The following INO80 variants were observed in gnomAD, a reference collection of about 807,000 sequenced individuals.
INO80 encodes the protein INO80 complex ATPase subunit.
In INO80, 20 loss-of-function variants were observed where a neutral mutation model predicts 203.4. The observed-to-expected ratio is 0.10, with a 90% CI of 0.07 to 0.14. The LOEUF (loss-of-function observed/expected upper bound fraction) is 0.14, where lower values mean the gene tolerates loss of function less well. INO80 is among the 10% of genes least tolerant of loss of function. The probability of loss-of-function intolerance (pLI) is 1.00; values close to 1 mark genes in which losing one functional copy is unlikely to be tolerated. For synonymous variants in INO80, 726 were observed against 685.2 expected (o/e 1.06, Z -0.93); for missense variants, 1,419 against 1,914.4 (o/e 0.74, Z 4.83).
In INO80 at chr15:41,087,544, G is replaced by A. The variant is rs187555859; in HGVS notation, c.658+18C>T. 7.4e-6 allele frequency: 12 copies of A among 1,612,720 alleles called. No homozygotes were observed. The highest frequency in any genetic ancestry group is 1.0e-5 in the Non-Finnish European group (12 of 1,179,500). ...AACTAAGAATGAATATACGTGGAAGGCAGTTCAACATGCTCACCTTTAAGT... is the reference window on the plus strand; with the variant it reads ...AACTAAGAATGAATATACGTGGAAGACAGTTCAACATGCTCACCTTTAAGT... On this transcript the variant is annotated intron_variant, in intron 6 of 35. Coordinates refer to ENST00000648947, the MANE Select transcript of INO80 (RefSeq NM_017553.3).
Position 41,037,054 on chromosome 15 carries a change from G to T in INO80, c.2907+7850C>A, listed in dbSNP as rs142115094. On this transcript the variant is annotated intron_variant, in intron 24 of 35. Transcript: ENST00000648947. The stretch of plus-strand genomic sequence containing the variant: ...GGAGGTGGAGGTTACAGTGAGCCAA[G>T]GTCACTCCACTGCACTCCAGCCTGG... Among the ~76,000 whole-genome samples the T allele has an allele frequency of 3.2e-4, 49 of 151,974 alleles. 1 individual carries two copies. The East Asian group carries it at 8.7e-3, about 27-fold the overall frequency.
intron 24 of INO80, among the ~76,000 whole-genome samples, chr15:41,029,937 T>C (rs2044434393): frequency 6.6e-6 from 1 of 152,198 alleles, no homozygotes; most frequent in African/African-American, 2.4e-5. Flanking sequence ...AGCTAAGTAG[T>C]AGTTCAGGGC....
Position 41,092,315 on chromosome 15 carries a change from T to C in INO80, c.382-133A>G, listed in dbSNP as rs116171693. The C allele has an allele frequency of 5.6e-3, 3,167 of 569,348 alleles. 86 individuals are homozygous for C. The highest frequency in any genetic ancestry group is 0.052 in the African/African-American group (2,851 of 54,452). The allele number at this position is 569,348 out of a possible 1,614,324, so 35.3% of individuals were successfully genotyped here. ...AGTCACTCCAGTTCCCCTTATGACA[T>C]GCTTTATAAATTCAACTGAAAAACA... On this transcript the variant is annotated intron_variant, in intron 4 of 35. Transcript: ENST00000648947.
intron 24 of INO80, among the ~76,000 whole-genome samples, chr15:41,036,173 A>C (rs2044571746): frequency 1.3e-5 from 2 of 149,574 alleles, no homozygotes; most frequent in South Asian, 4.2e-4. Context: ...AAAAAAAAAA[A>C]AAAAAAAAAA....
intron 32 of INO80, among the ~76,000 whole-genome samples, chr15:40,985,037 T>TATAAG (rs1893968514): frequency 1.3e-5 from 2 of 152,162 alleles, no homozygotes; most frequent in African/African-American, 4.8e-5. Context: ...TATGGAGCCT[T>TATAAG]ATAAGTAATG....
At chr15:41,080,870 A>G in intron 8 of INO80, 150 bp downstream of exon 8, 1 of 613,066 alleles carries the variant, frequency 1.6e-6, no homozygotes, top group Admixed American at 2.9e-5. Flanking sequence ...ATAAAAAATA[A>G]ACAGCTTGAG....
intron 14 of INO80, among the ~76,000 whole-genome samples, chr15:41,063,513 C>T (rs796868909): frequency 9.9e-5 from 15 of 152,176 alleles, no homozygotes; most frequent in African/African-American, 3.6e-4. Flanking sequence ...GTGGCTCACA[C>T]CTATAATCCC....
intron 29 of INO80, among the ~76,000 whole-genome samples, chr15:40,996,748 G>A: frequency 6.6e-6 from 1 of 152,226 alleles, no homozygotes; most frequent in South Asian, 2.1e-4. Flanking sequence ...CCTTTTCATT[G>A]CTCTCCAACC....
chr15:41,115,835 C>T (rs1306473820), intron 1 of INO80, 138 bp downstream of exon 1: 2 of 370,400 alleles, frequency 5.4e-6, no homozygotes, highest in African/African-American at 2.1e-5. Flanking sequence ...ACCCATCCTC[C>T]ATACTAACCC....
chr15:41,077,258 A>G (rs1277322075), intron 9 of INO80, among the ~76,000 whole-genome samples: 1 of 150,254 alleles, frequency 6.7e-6, no homozygotes, highest in African/African-American at 2.4e-5. Flanking sequence ...TTGGTCCAAG[A>G]GTCATTATTT....
At chr15:41,106,164 A>T (rs1178076728) in intron 1 of INO80, among the ~76,000 whole-genome samples, 2 of 152,150 alleles carry the variant, frequency 1.3e-5, no homozygotes, top group East Asian at 3.9e-4. Context: ...GAAGCTAATC[A>T]CTTGAGCTCT....
chr15:40,983,218 TTAA>T (rs1893903023), intron 34 of INO80, 141 bp from the exon 35 acceptor site: 1 of 624,818 alleles, frequency 1.6e-6, no homozygotes, highest in Admixed American at 2.8e-5. Context: ...ATGTCTCCAC[TTAA>T]TGATGGCTAG....
At chr15:41,045,381 G>A (rs1349886726) in intron 23 of INO80, among the ~76,000 whole-genome samples, 1 of 152,060 alleles carries the variant, frequency 6.6e-6, no homozygotes, top group African/African-American at 2.4e-5. Flanking sequence ...CTGAGGTCAG[G>A]AGTTTGAGAC....
At chr15:41,115,228 C>T (rs2046013310) in intron 1 of INO80, among the ~76,000 whole-genome samples, 1 of 152,178 alleles carries the variant, frequency 6.6e-6, no homozygotes, top group African/African-American at 2.4e-5. Flanking sequence ...ATTCCAGGCA[C>T]AGTTGGCTGT....
At chr15:41,031,620 G>T in intron 24 of INO80, among the ~76,000 whole-genome samples, 1 of 57,810 alleles carries the variant, frequency 1.7e-5, no homozygotes, top group African/African-American at 7.8e-5. Context: ...GGAGGAGGGA[G>T]GAAGGGAGGA....
chr15:41,020,934 T>C lies in INO80; in HGVS notation c.3240A>G (p.Arg1080=), dbSNP rs1350091834. The change falls in exon 26 of 36, where the codon AGA becomes AGG. Residue 1080 remains arginine, a synonymous_variant. Coordinates refer to ENST00000648947, the MANE Select transcript of INO80 (RefSeq NM_017553.3). ...TGATGAAAGACCAGCCATTCTGAGGTCTGATGCTCCACAGACCTCCAGCTG... is the reference window on the plus strand; with the variant it reads ...TGATGAAAGACCAGCCATTCTGAGGCCTGATGCTCCACAGACCTCCAGCTG... ...PEPAGGLWSI[R]PQNGWSFIRI... The C allele has an allele frequency of 2.5e-6, 4 of 1,613,670 alleles. No homozygotes were observed. Among genetic ancestry groups the C allele is most frequent in the African/African-American group, 2.7e-5 (2 of 74,896 alleles).
At chr15:41,060,602 G>A (rs1249160477) in intron 14 of INO80, among the ~76,000 whole-genome samples, 2 of 151,796 alleles carry the variant, frequency 1.3e-5, no homozygotes, top group African/African-American at 4.8e-5. Flanking sequence ...AACAAAAATT[G>A]TAGTTCAAGG....
Position 41,021,036 on chromosome 15 carries a change from G to T in INO80, c.3138C>A (p.Ala1046=). ...RVLKEGGSLA[A]KQCLLNGAPE... The stretch of plus-strand genomic sequence containing the variant: ...GGGCCCCATTCAACAAACACTGCTT[G>T]GCTGCCAGACTCCCTCCTTCCTTCA... The change falls in exon 26 of 36, where the codon GCC becomes GCA. Residue 1046 remains alanine, a synonymous_variant. Coordinates refer to ENST00000648947, the MANE Select transcript of INO80 (RefSeq NM_017553.3). 1 of 1,614,126 alleles carries T rather than the reference G, an allele frequency of 6.2e-7. No individual in the cohort carries two copies. The highest frequency in any genetic ancestry group is 8.5e-7 in the Non-Finnish European group (1 of 1,179,968).
At chr15:41,034,176 T>C (rs1467525042) in intron 24 of INO80, among the ~76,000 whole-genome samples, 1 of 152,238 alleles carries the variant, frequency 6.6e-6, no homozygotes, top group African/African-American at 2.4e-5. Context: ...ATCCTGAAGC[T>C]AATAATACAA....
Sources: allele counts gnomAD v4.1 joint callset (sites outside exome capture counted in the v4.1 genomes callset), GRCh38; gene constraint gnomAD v4.1.1; transcripts MANE v1.5; gene names NCBI Gene and HGNC (gene_info 2026-07-23, HGNC 2026-07-21).